Variants in SELENOI observed in about 807,000 individuals in gnomAD.
SELENOI encodes ethanolaminephosphotransferase 1.
Under a neutral mutation model 50.7 loss-of-function variants are expected in SELENOI, and 24 were observed. That is an observed-to-expected ratio of 0.47 (90% CI 0.34 to 0.67). The LOEUF is 0.67. Ranked by LOEUF, SELENOI falls within the 30% of genes least tolerant of loss-of-function variation. The probability of loss-of-function intolerance (pLI) is 0.01; values close to 1 mark genes in which losing one functional copy is unlikely to be tolerated. For synonymous variants in SELENOI, 155 were observed against 170.2 expected (o/e 0.91, Z 0.70); for missense variants, 352 against 461.4 (o/e 0.76, Z 2.17).
intron 6 of SELENOI, among the ~76,000 whole-genome samples, chr2:26,376,547 C>CTAT (rs1251361919): frequency 6.6e-6 from 1 of 152,166 alleles, no homozygotes; most frequent in Non-Finnish European, 1.5e-5. Context: ...CCCCTGTGTA[C>CTAT]TATTACCCAG....
chr2:26,361,645 CCAT>C (rs1677180824), intron 1 of SELENOI, among the ~76,000 whole-genome samples: 1 of 151,842 alleles, frequency 6.6e-6, no homozygotes, highest in African/African-American at 2.4e-5. Context: ...ACCACATTGT[CCAT>C]CATCATTTCT....
chr2:26,371,831 G>A (rs1049088115), intron 4 of SELENOI, among the ~76,000 whole-genome samples: 1 of 152,026 alleles, frequency 6.6e-6, no homozygotes, highest in Non-Finnish European at 1.5e-5. Context: ...GCTTCGGCTC[G>A]GCATGAGAGG....
intron 1 of SELENOI, among the ~76,000 whole-genome samples, chr2:26,351,055 G>GTTTTT (rs35623246): frequency 1.1e-3 from 108 of 102,818 alleles, no homozygotes; most frequent in Non-Finnish European, 1.2e-3. Flanking sequence ...CTGTTTGTTT[G>GTTTTT]TTTTTTTTTT....
chr2:26,350,771 A>G (rs1676939708), intron 1 of SELENOI, among the ~76,000 whole-genome samples: 1 of 152,178 alleles, frequency 6.6e-6, no homozygotes, highest in Non-Finnish European at 1.5e-5. Context: ...GAAAGCCTTC[A>G]GGGGATGGAG....
rs1338803102 is a variant in SELENOI, at chr2:26,393,734, G to A, written c.*4631G>A. On this transcript the variant is annotated 3_prime_UTR_variant, in exon 10 of 10. Transcript: ENST00000260585. ...TTTTAAAGCAAGTATATTGGATGAT[G>A]GCTATAGGGTACCTTAATGCTGTGT... 1 of 152,268 alleles carries A rather than the reference G, an allele frequency of 6.6e-6. No individual in the cohort carries two copies. The highest frequency in any genetic ancestry group is 3.4e-3 in the Middle Eastern group (1 of 294). The allele number at this position is 152,268 out of a possible 1,614,324, so 9.4% of individuals were successfully genotyped here.
In SELENOI at chr2:26,394,191, C is replaced by T. The variant is rs2147967788; in HGVS notation, c.*5088C>T. ...GGATTGCTTGAGCCCAGGAGTTCGA[C>T]ACCAACCTGAGCAACATGGCGAAAC... is the stretch of plus-strand genomic sequence containing the variant. On this transcript the variant is annotated 3_prime_UTR_variant, in exon 10 of 10. Coordinates refer to ENST00000260585, the MANE Select transcript of SELENOI (RefSeq NM_033505.4). This position sits in a 1 kb window ranked among gnomAD's most constrained non-coding sequence, Gnocchi z 4.1. 1 of 152,252 alleles carries T rather than the reference C, an allele frequency of 6.6e-6. No individual in the cohort carries two copies. The highest frequency in any genetic ancestry group is 2.1e-4 in the South Asian group (1 of 4,828). The allele number at this position is 152,252 out of a possible 1,614,324, so 9.4% of individuals were successfully genotyped here.
chr2:26,359,373 T>C (rs1453446966), intron 1 of SELENOI, among the ~76,000 whole-genome samples: 2 of 152,126 alleles, frequency 1.3e-5, no homozygotes. Flanking sequence ...CCTGGTGTAG[T>C]GGTACTTGCC....
chr2:26,379,725 G>A (rs1322069060), intron 6 of SELENOI, among the ~76,000 whole-genome samples: 1 of 152,114 alleles, frequency 6.6e-6, no homozygotes, highest in Non-Finnish European at 1.5e-5. Flanking sequence ...GATAGGTAAG[G>A]AAATCAAGTT....
chr2:26,376,442 A>C (rs1376768042), intron 6 of SELENOI, among the ~76,000 whole-genome samples: 4 of 152,202 alleles, frequency 2.6e-5, no homozygotes, highest in African/African-American at 7.2e-5. Flanking sequence ...ATAAGACAGA[A>C]TCCTCTGGTA....
At chr2:26,351,055 GTTTTTTTTTTTT>G (rs35623246) in intron 1 of SELENOI, among the ~76,000 whole-genome samples, 2 of 102,898 alleles carry the variant, frequency 1.9e-5, no homozygotes, top group African/African-American at 3.6e-5. Flanking sequence ...CTGTTTGTTT[GTTTTTTTTTTTT>G]TTTTTTTTTG....
intron 9 of SELENOI, among the ~76,000 whole-genome samples, chr2:26,387,921 C>G (rs1052057011): frequency 6.6e-6 from 1 of 152,098 alleles, no homozygotes; most frequent in African/African-American, 2.4e-5. Flanking sequence ...TCTGTATTTT[C>G]ACACACAGTT....
At position 26,392,412 on chromosome 2, in the gene SELENOI, A is replaced by G. The variant is rs773980175; in HGVS notation, c.*3309A>G. ...CAGACTTTGACTCTATGACCTATGA[A>G]GAATAAAAAGATAATCTGAAGGTGT... On this transcript the variant is annotated 3_prime_UTR_variant, in exon 10 of 10. Transcript: ENST00000260585. 5.3e-5 allele frequency: 8 copies of G among 152,236 alleles called. No homozygotes were observed. Among genetic ancestry groups the G allele is most frequent in the Non-Finnish European group, 1.0e-4 (7 of 68,044 alleles). The allele number at this position is 152,236 out of a possible 1,614,324, so 9.4% of individuals were successfully genotyped here. A position where few individuals can be genotyped will look rare whatever the true frequency, so the allele number is the denominator to read the frequency against.
In SELENOI at chr2:26,362,934, C is replaced by A. The variant is rs543689053; in HGVS notation, c.58-1368C>A. On this transcript the variant is annotated intron_variant, in intron 1 of 9. Coordinates refer to ENST00000260585, the MANE Select transcript of SELENOI (RefSeq NM_033505.4). ...GTTACCAGTTTTGTATCTCTTCTTC[C>A]CCATACCTAGCAGTGTGTGTGTGTG... 2.2e-4 allele frequency among the ~76,000 whole-genome samples: 33 copies of A among 152,066 alleles called. 1 individual carries two copies. In the South Asian group the frequency reaches 6.4e-3, roughly 30 times the overall value.
At position 26,365,297 on chromosome 2, in the gene SELENOI, G is replaced by A. The variant is rs374637688; in HGVS notation, c.235+357G>A. Among the ~76,000 whole-genome samples, 17 of 152,144 alleles carry A rather than the reference G, an allele frequency of 1.1e-4. No homozygotes were observed. In the South Asian group the frequency reaches 1.9e-3, roughly 17 times the overall value. On this transcript the variant is annotated intron_variant, in intron 3 of 9. Coordinates refer to ENST00000260585, the MANE Select transcript of SELENOI (RefSeq NM_033505.4). ...ATGTGATTGTCTTTCCTTCTTCCCA[G>A]CATCCCTACTTGACTTGAATGACTC...
At chr2:26,360,780 T>C (rs1209971553) in intron 1 of SELENOI, among the ~76,000 whole-genome samples, 2 of 151,844 alleles carry the variant, frequency 1.3e-5, no homozygotes, top group African/African-American at 4.8e-5. Context: ...TATCTTGTCA[T>C]TGGCAGCCTG....
At chr2:26,352,883 C>A (rs1377225034) in intron 1 of SELENOI, among the ~76,000 whole-genome samples, 37 of 151,528 alleles carry the variant, frequency 2.4e-4, no homozygotes, top group Non-Finnish European at 1.5e-5. Flanking sequence ...CTATACTGGC[C>A]CTGAACTTCC....
In SELENOI at chr2:26,346,302, G is replaced by A. The variant is rs377617871; in HGVS notation, c.57+13G>A. The A allele has an allele frequency of 3.7e-6, 6 of 1,605,756 alleles. No homozygotes were observed. Among genetic ancestry groups the A allele is most frequent in the Non-Finnish European group, 5.1e-6 (6 of 1,174,884 alleles). The stretch of plus-strand genomic sequence containing the variant: ...TGATAAGTACAAGGTACCGCGGGCC[G>A]GCGGATGCCCCTCTCCCTGCTCCCG... On this transcript the variant is annotated intron_variant, in intron 1 of 9. Coordinates refer to ENST00000260585, the MANE Select transcript of SELENOI (RefSeq NM_033505.4).
intron 7 of SELENOI, among the ~76,000 whole-genome samples, chr2:26,384,628 A>G (rs1677801047): frequency 6.6e-6 from 1 of 152,222 alleles, no homozygotes; most frequent in Non-Finnish European, 1.5e-5. Flanking sequence ...AGAATATCTC[A>G]TAGAACAAAG....
intron 1 of SELENOI, among the ~76,000 whole-genome samples, chr2:26,351,389 G>A (rs114998211): frequency 3.6e-4 from 55 of 152,294 alleles, no homozygotes; most frequent in Admixed American, 1.1e-3. Flanking sequence ...TACTGACTAG[G>A]AGCTGTGGCT....
Sources: gnomAD v4.1 joint callset for allele counts (sites outside exome capture counted in the v4.1 genomes callset) on GRCh38, gnomAD v4.1.1 for gene constraint, Gnocchi (gnomAD v3.1) non-coding constraint, MANE v1.5 for transcripts, NCBI Gene and HGNC (gene_info 2026-07-23, HGNC 2026-07-21) for gene names.